Variants in ARHGEF16 observed in about 807,000 individuals in gnomAD.
ARHGEF16 encodes the protein Rho guanine nucleotide exchange factor 16, also known as Rho guanine exchange factor (GEF) 16.
A neutral mutation model predicts 74.1 loss-of-function variants in ARHGEF16; 59 were observed. The observed-to-expected ratio is 0.80, with a 90% confidence interval of 0.65 to 0.99. The LOEUF (loss-of-function observed/expected upper bound fraction) is 0.99. Among genes scored for constraint, ARHGEF16 ranks in the 50% least tolerant of loss-of-function variants. The pLI, the probability that ARHGEF16 is intolerant of heterozygous loss-of-function variation, is 0.00. For missense variants in ARHGEF16, 948 were observed against 986.6 expected, an observed-to-expected ratio of 0.96 and a Z score of 0.52; for synonymous variants, 415 against 412.6, an observed-to-expected ratio of 1.01 and a Z score of -0.07.
rs757933866 is a variant in ARHGEF16, at chr1:3,473,162, G to A, written c.1107G>A (p.Lys369=). 1.2e-6 allele frequency: 2 copies of A among 1,613,314 alleles called. No homozygotes were observed. The highest frequency in any genetic ancestry group is 2.2e-5 in the East Asian group (1 of 44,878). ...ISDILEEHAE[K]HFHPYIAYCS... is the part of the protein sequence containing the mutation. ...ACATCCTGGAGGAGCACGCTGAGAAGCACTTCCACCCCTACATCGCCTACT... is the reference window on the plus strand; with the variant it reads ...ACATCCTGGAGGAGCACGCTGAGAAACACTTCCACCCCTACATCGCCTACT... The change falls in exon 7 of 15, where the codon AAG becomes AAA. Residue 369 remains lysine, a synonymous_variant. Transcript: ENST00000378378.
At chr1:3,471,954 A>T (rs1315325247) in intron 6 of ARHGEF16, among the ~76,000 whole-genome samples, 1 of 152,124 alleles carries the variant, frequency 6.6e-6, no homozygotes, top group East Asian at 1.9e-4. Flanking sequence ...GTCCACGGGG[A>T]CTGCAGCTCC....
At position 3,473,083 on chromosome 1, in the gene ARHGEF16, T is replaced by TC; in HGVS notation, c.1029dup (p.Glu344ArgfsTer18). The stretch of plus-strand genomic sequence containing the variant: ...TCACCCCTCCTTGCCTTCAGGTTCT[T>TC]CGAGGACCTGGAGCAGCGGCACAAG... On this transcript the variant is annotated frameshift_variant, in exon 7 of 15. Transcript: ENST00000378378. LOFTEE classifies it high-confidence loss of function. 1 of 1,612,514 alleles carries TC rather than the reference T, an allele frequency of 6.2e-7. No homozygotes were observed. The highest frequency in any genetic ancestry group is 8.5e-7 in the Non-Finnish European group (1 of 1,179,518).
At chr1:3,456,314 G>A (rs1197003549) in intron 1 of ARHGEF16, among the ~76,000 whole-genome samples, 1 of 152,260 alleles carries the variant, frequency 6.6e-6, no homozygotes, top group African/African-American at 2.4e-5. Flanking sequence ...CCCATCCTGA[G>A]GATGGCCATC....
Position 3,470,550 on chromosome 1 carries a change from G to T in ARHGEF16, c.1022+957G>T, listed in dbSNP as rs532774987. Among the ~76,000 whole-genome samples, 302 of 144,442 alleles carry T rather than the reference G, an allele frequency of 2.1e-3. 3 individuals are homozygous for T. Among genetic ancestry groups the T allele is most frequent in the East Asian group, 6.4e-3 (29 of 4,526 alleles). 94.8% of individuals were successfully genotyped at this position (144,442 alleles called of 152,430 possible). On this transcript the variant is annotated intron_variant, in intron 6 of 14. Transcript: ENST00000378378. ...GCAGGGGTGTGTATGCGTGGTCAGG[G>T]TTATGTGTGAGTGGGTAGGGGTGTG...
chr1:3,461,286 G>A (rs988625149), intron 1 of ARHGEF16, among the ~76,000 whole-genome samples: 29 of 152,336 alleles, frequency 1.9e-4, no homozygotes, highest in African/African-American at 4.8e-4. Context: ...TCTGTGATTC[G>A]GCAAGGCCTT....
At chr1:3,470,820 G>A (rs1639692931) in intron 6 of ARHGEF16, among the ~76,000 whole-genome samples, 1 of 150,350 alleles carries the variant, frequency 6.7e-6, no homozygotes, top group Admixed American at 6.6e-5. Flanking sequence ...GTGCATGGAT[G>A]TGTGTGTGGG....
chr1:3,480,502 A>G lies in ARHGEF16; in HGVS notation c.2045A>G (p.Asp682Gly), dbSNP rs1478985616. 1 of 1,612,472 alleles carries G rather than the reference A, an allele frequency of 6.2e-7. No homozygotes were observed. The highest frequency in any genetic ancestry group is 1.3e-5 in the African/African-American group (1 of 74,954). Residue 682 changes from aspartate to glycine, a missense_variant, in exon 15 of 15, where the codon GAC (aspartate) becomes GGC (glycine). Transcript: ENST00000378378. ...RDGETGWFPE[D>G]FARFITSRVA... ...GGAGAGACGGGATGGTTCCCCGAGG[A>G]CTTTGCCCGCTTCATCACCAGCCGT...
At chr1:3,473,262 G>T in intron 7 of ARHGEF16, 32 bp downstream of exon 7, 1 of 1,607,504 alleles carries the variant, frequency 6.2e-7, no homozygotes, top group Non-Finnish European at 8.5e-7. Context: ...CCGCAGGGTG[G>T]CTCAGGAGCA....
rs1639536377 is a variant in ARHGEF16, at chr1:3,466,134, T to C, written c.589-14T>C. On this transcript the variant is annotated splice_polypyrimidine_tract_variant and intron_variant, in intron 2 of 14. Coordinates refer to ENST00000378378, the MANE Select transcript of ARHGEF16 (RefSeq NM_014448.4). ...GGCTGACAGCTGCGGTTTCTGTGTCTCTCTTTTGTGCAGAAGACGCTGGGG... is the reference window on the plus strand; with the variant it reads ...GGCTGACAGCTGCGGTTTCTGTGTCCCTCTTTTGTGCAGAAGACGCTGGGG... 6.5e-7 allele frequency: 1 copy of C among 1,547,940 alleles called. No homozygotes were observed. The highest frequency in any genetic ancestry group is 8.7e-7 in the Non-Finnish European group (1 of 1,145,858).
At chr1:3,467,137 G>A (rs1639568632) in intron 3 of ARHGEF16, 31 bp from the exon 4 acceptor site, 2 of 1,538,034 alleles carry the variant, frequency 1.3e-6, no homozygotes, top group Non-Finnish European at 1.8e-6. Flanking sequence ...CAATCCCCCA[G>A]GGCCACAGGT....
chr1:3,463,575 C>G lies in ARHGEF16; in HGVS notation c.491C>G (p.Pro164Arg), dbSNP rs1639463590. ...GCGGCCATGAAGGGCCTGGGGAAGC[C>G]AGGTGGCCAGGGAGATGCCATCCAG... Reference protein sequence around the residue: ...YRAAMKGLGKPGGQGDAIQLS... With the variant: ...YRAAMKGLGKRGGQGDAIQLS... The change falls in exon 2 of 15, where the codon CCA becomes CGA. Residue 164 changes from proline to arginine, a missense_variant. Pro to Arg is a moderately radical substitution (Grantham distance 103). Transcript: ENST00000378378. 6.9e-7 allele frequency: 1 copy of G among 1,450,218 alleles called. No homozygotes were observed. The highest frequency in any genetic ancestry group is 1.4e-5 in the African/African-American group (1 of 69,864). 89.8% of individuals were successfully genotyped at this position (1,450,218 alleles called of 1,614,324 possible). A position where few individuals can be genotyped will look rare whatever the true frequency, so the allele number is the denominator to read the frequency against.
At chr1:3,464,802 C>G (rs960291402) in intron 2 of ARHGEF16, among the ~76,000 whole-genome samples, 1 of 152,196 alleles carries the variant, frequency 6.6e-6, no homozygotes, top group African/African-American at 2.4e-5. Context: ...AGGTGTGTGC[C>G]AGAGCGTCTT....
intron 9 of ARHGEF16, 55 bp from the exon 10 acceptor site, chr1:3,475,915 G>A: frequency 6.6e-7 from 1 of 1,505,428 alleles, no homozygotes; most frequent in South Asian, 1.3e-5. Flanking sequence ...GGGCCGTGTG[G>A]GCTGTGCCAG....
intron 2 of ARHGEF16, 39 bp from the exon 3 acceptor site, chr1:3,466,109 G>T: frequency 2.6e-6 from 4 of 1,547,510 alleles, no homozygotes; most frequent in South Asian, 1.2e-5. Context: ...CACCTGCCCC[G>T]GCTGACAGCT....
chr1:3,480,109 CCCA>C (rs1160976228), intron 14 of ARHGEF16, among the ~76,000 whole-genome samples, 196 bp downstream of exon 14: 2 of 152,230 alleles, frequency 1.3e-5, no homozygotes, highest in African/African-American at 2.4e-5. Flanking sequence ...GTCACTGTGT[CCCA>C]CGTGGGGAGG....
chr1:3,476,378 G>T (rs111372778), intron 10 of ARHGEF16, among the ~76,000 whole-genome samples: 1 of 152,196 alleles, frequency 6.6e-6, no homozygotes, highest in Non-Finnish European at 1.5e-5. Flanking sequence ...GGGGGCAACA[G>T]GAGTGGCCCT....
Position 3,473,502 on chromosome 1 carries a change from C to T in ARHGEF16, c.1285C>T (p.Arg429Trp), listed in dbSNP as rs1466546202. 2.5e-6 allele frequency: 4 copies of T among 1,610,324 alleles called. No homozygotes were observed. The highest frequency in any genetic ancestry group is 3.4e-6 in the Non-Finnish European group (4 of 1,179,998). ...GATCCTCCCCATGCAGCGGGTGACCCGGCTGCCCCTCCTGATGGATGTAAG... is the reference window on the plus strand; with the variant it reads ...GATCCTCCCCATGCAGCGGGTGACCTGGCTGCCCCTCCTGATGGATGTAAG... ...FLILPMQRVT[R>W]LPLLMDTLCL... is the part of the protein sequence containing the mutation. The change falls in exon 8 of 15, where the codon CGG becomes TGG. Residue 429 changes from arginine (R) to tryptophan (W), a missense_variant. By Grantham distance (101) the Arg-to-Trp change is moderately radical. Transcript: ENST00000378378.
chr1:3,456,140 G>A (rs1015257981), intron 1 of ARHGEF16, among the ~76,000 whole-genome samples: 5 of 152,152 alleles, frequency 3.3e-5, no homozygotes, highest in African/African-American at 4.8e-5. Context: ...CTTGTTGGGG[G>A]GCCTCCCTGA....
chr1:3,470,943 G>A (rs1639701005), intron 6 of ARHGEF16, among the ~76,000 whole-genome samples: 1 of 118,198 alleles, frequency 8.5e-6, no homozygotes, highest in African/African-American at 3.3e-5. Context: ...TGCATGGGCA[G>A]GGGTGTGCGT....
Sources: gnomAD v4.1 joint callset for allele counts (sites outside exome capture counted in the v4.1 genomes callset) on GRCh38, gnomAD v4.1.1 for gene constraint, MANE v1.5 for transcripts, NCBI Gene and HGNC (gene_info 2026-07-23, HGNC 2026-07-21) for gene names.